SPATS2L: variants seen among roughly 807,000 people sequenced by gnomAD.
SPATS2L encodes spermatogenesis associated serine rich 2 like.
SPATS2L carries 30 observed loss-of-function variants against 59.6 expected under a neutral mutation model. The ratio of observed to expected loss-of-function variants is 0.50; its 90% CI spans 0.38 to 0.68. SPATS2L has a LOEUF of 0.68. SPATS2L is among the 30% of genes least tolerant of loss of function. SPATS2L has a pLI of 0.00. For missense variants in SPATS2L, 615 were observed against 700.0 expected, an observed-to-expected ratio of 0.88 and a Z score of 1.37; for synonymous variants, 252 against 263.5, an observed-to-expected ratio of 0.96 and a Z score of 0.42.
At chr2:200,349,849 C>T (rs1050960625) in intron 2 of SPATS2L, among the ~76,000 whole-genome samples, 49 of 152,176 alleles carry the variant, frequency 3.2e-4, no homozygotes, top group Admixed American at 2.9e-3. Context: ...ACTTTGTCCT[C>T]CCACCAAAGT....
rs912230467 is a variant in SPATS2L, at chr2:200,478,957, G to A, written c.*926G>A. ...TCTTGCTTTGTCACCCAGGTGGAGT[G>A]CAATGGCATGATCTCGGCTCACTGC... On this transcript the variant is annotated 3_prime_UTR_variant, in exon 13 of 13. Transcript: ENST00000409140. The A allele has an allele frequency of 2.0e-5, 3 of 151,104 alleles. No homozygotes were observed. Among genetic ancestry groups the A allele is most frequent in the Non-Finnish European group, 2.9e-5 (2 of 67,990 alleles). The allele number at this position is 151,104 out of a possible 1,614,324, so 9.4% of individuals were successfully genotyped here.
At chr2:200,364,511 C>G (rs1017500272) in intron 2 of SPATS2L, among the ~76,000 whole-genome samples, 2 of 152,164 alleles carry the variant, frequency 1.3e-5, no homozygotes, top group Non-Finnish European at 2.9e-5. Flanking sequence ...TGGCAACTGT[C>G]AAGTCTTATA....
intron 2 of SPATS2L, among the ~76,000 whole-genome samples, chr2:200,370,702 C>T (rs1420502286): frequency 6.6e-6 from 1 of 152,066 alleles, no homozygotes; most frequent in East Asian, 1.9e-4. Context: ...CTTTTATCTC[C>T]ACTTTATGAA....
At chr2:200,471,344 A>G (rs892340740) in intron 11 of SPATS2L, among the ~76,000 whole-genome samples, 6 of 151,986 alleles carry the variant, frequency 3.9e-5, no homozygotes, top group African/African-American at 1.5e-4. Context: ...CCACCTCTAA[A>G]AAAGGGAACT....
At chr2:200,333,651 G>GA (rs2080036352) in intron 2 of SPATS2L, among the ~76,000 whole-genome samples, 2 of 150,656 alleles carry the variant, frequency 1.3e-5, no homozygotes, top group African/African-American at 4.9e-5. Flanking sequence ...ATCCCTCCCC[G>GA]CTCCCCCCAC....
chr2:200,327,237 C>T (rs1306678000), intron 1 of SPATS2L, among the ~76,000 whole-genome samples: 3 of 151,868 alleles, frequency 2.0e-5, no homozygotes, highest in Non-Finnish European at 4.4e-5. Context: ...AACCCCATCT[C>T]TATTAAAAAT....
intron 6 of SPATS2L, among the ~76,000 whole-genome samples, chr2:200,423,233 G>T (rs189065219): frequency 6.6e-6 from 1 of 152,196 alleles, no homozygotes; most frequent in African/African-American, 2.4e-5. Flanking sequence ...GACTATTGTA[G>T]TTAGATTTTC....
At chr2:200,332,318 C>T (rs758767341) in intron 2 of SPATS2L, among the ~76,000 whole-genome samples, 6 of 152,102 alleles carry the variant, frequency 3.9e-5, no homozygotes, top group African/African-American at 9.6e-5. Context: ...CAACACAGCT[C>T]ACTAAAAGTT....
At chr2:200,384,959 A>G (rs1043333274) in intron 2 of SPATS2L, among the ~76,000 whole-genome samples, 1 of 152,210 alleles carries the variant, frequency 6.6e-6, no homozygotes, top group Non-Finnish European at 1.5e-5. Flanking sequence ...ATTGGTATGT[A>G]TGGAACATGT....
chr2:200,430,210 A>T (rs2083825731), intron 6 of SPATS2L, among the ~76,000 whole-genome samples: 1 of 152,162 alleles, frequency 6.6e-6, no homozygotes, highest in Admixed American at 6.5e-5. Flanking sequence ...AAAGATGGGC[A>T]CTCACACAAT....
intron 1 of SPATS2L, among the ~76,000 whole-genome samples, chr2:200,322,906 A>G (rs1167845575): frequency 6.6e-6 from 1 of 152,160 alleles, no homozygotes; most frequent in Non-Finnish European, 1.5e-5. Flanking sequence ...CAAGAAAGCT[A>G]TCTTTGGTTT....
intron 6 of SPATS2L, among the ~76,000 whole-genome samples, chr2:200,424,844 C>T (rs1437055405): frequency 1.3e-5 from 2 of 152,106 alleles, no homozygotes; most frequent in African/African-American, 4.8e-5. Context: ...ACCCAGCAGC[C>T]GGCCTTTATG....
rs1253798701 is a variant in SPATS2L at position 200,388,696 on chromosome 2, G to GA, written c.-22-515dup. Among the ~76,000 whole-genome samples, 373 of 133,686 alleles carry GA rather than the reference G, an allele frequency of 2.8e-3. 1 individual carries two copies. Among genetic ancestry groups the GA allele is most frequent in the East Asian group, 0.014 (65 of 4,500 alleles). 87.7% of individuals were successfully genotyped at this position (133,686 alleles called of 152,430 possible). A position where few individuals can be genotyped will look rare whatever the true frequency, so the allele number is the denominator to read the frequency against. The stretch of plus-strand genomic sequence containing the variant: ...TTAGAGCATTCCAGATAGAAAAGTT[G>GA]AAAAAAAAAAAAGAAAAGAAGTTGT... On this transcript the variant is annotated intron_variant, in intron 2 of 12. Coordinates refer to ENST00000409140, the MANE Select transcript of SPATS2L (RefSeq NM_001100423.2).
intron 6 of SPATS2L, among the ~76,000 whole-genome samples, chr2:200,424,143 C>T (rs1459595045): frequency 6.6e-6 from 1 of 152,050 alleles, no homozygotes; most frequent in Non-Finnish European, 1.5e-5. Flanking sequence ...ATAATCCAAT[C>T]AAAATCATCC....
intron 1 of SPATS2L, among the ~76,000 whole-genome samples, chr2:200,328,174 G>C (rs2079818218): frequency 6.6e-6 from 1 of 152,030 alleles, no homozygotes; most frequent in South Asian, 2.1e-4. Flanking sequence ...GTACAGATTG[G>C]GACAGACCAA....
chr2:200,306,947 C>G (rs1387862636), intron 1 of SPATS2L, 25 bp downstream of exon 1: 1 of 982,572 alleles, frequency 1.0e-6, no homozygotes, highest in Admixed American at 6.2e-5. Flanking sequence ...CCCTCCACGC[C>G]GGGCCGGCTG....
chr2:200,467,271 A>G lies in SPATS2L; in HGVS notation c.848-19A>G. The G allele has an allele frequency of 6.5e-7, 1 of 1,541,250 alleles. No homozygotes were observed. Among genetic ancestry groups the G allele is most frequent in the Non-Finnish European group, 9.0e-7 (1 of 1,113,900 alleles). Reference sequence around the variant, plus strand: ...TTTCAATCTCTGGCCCTAATGTATGACTCCTCCTTATTTGGCAGTGGAAAT... The same window carrying G: ...TTTCAATCTCTGGCCCTAATGTATGGCTCCTCCTTATTTGGCAGTGGAAAT... On this transcript the variant is annotated intron_variant, in intron 9 of 12. Coordinates refer to ENST00000409140, the MANE Select transcript of SPATS2L (RefSeq NM_001100423.2).
At chr2:200,378,167 G>T in intron 2 of SPATS2L, 1 of 968,992 alleles carries the variant, frequency 1.0e-6, no homozygotes. Flanking sequence ...ACCCCCTGCT[G>T]ATTACTCAGC....
chr2:200,352,371 A>ATATATG (rs2080770370), intron 2 of SPATS2L, among the ~76,000 whole-genome samples: 1 of 134,276 alleles, frequency 7.4e-6, no homozygotes, highest in African/African-American at 3.3e-5. Context: ...ATATATATAT[A>ATATATG]TGGTAAACAA....
Sources: gnomAD v4.1 joint callset for allele counts (sites outside exome capture counted in the v4.1 genomes callset) on GRCh38, gnomAD v4.1.1 for gene constraint, MANE v1.5 for transcripts, NCBI Gene and HGNC (gene_info 2026-07-23, HGNC 2026-07-21) for gene names.